The following PGA5 variants were observed in gnomAD, a reference collection of about 807,000 sequenced individuals.
PGA5 encodes pepsinogen A5.
In PGA5, 19 loss-of-function variants were observed where a neutral mutation model predicts 15.9. That is an observed-to-expected ratio of 1.19 (90% confidence interval 0.83 to 1.75). The LOEUF (loss-of-function observed/expected upper bound fraction) is 1.75, where lower values mean the gene tolerates loss of function less well. Among genes scored for constraint, PGA5 ranks in the 40% most tolerant of loss-of-function variants. The pLI, the probability that PGA5 is intolerant of heterozygous loss-of-function variation, is 0.00. For synonymous variants in PGA5, 92 were observed against 95.8 expected (o/e 0.96, Z 0.23); for missense variants, 224 against 246.4 (o/e 0.91, Z 0.61).
chr11:61,249,578 G>A (rs1162524614), intron 6 of PGA5, 91 bp from the exon 7 acceptor site: 1 of 1,607,328 alleles, frequency 6.2e-7, no homozygotes, highest in Non-Finnish European at 8.5e-7. Context: ...TGGATGGGTG[G>A]GGAAGGAATG....
chr11:61,250,536 ACT>A (rs1303747897), intron 8 of PGA5, among the ~76,000 whole-genome samples: 1 of 151,246 alleles, frequency 6.6e-6, no homozygotes, highest in African/African-American at 2.5e-5. Context: ...CCACAAGAAA[ACT>A]CTTTCCCTTC....
intron 6 of PGA5, among the ~76,000 whole-genome samples, chr11:61,248,761 G>C (rs905796541): frequency 6.6e-6 from 1 of 152,086 alleles, no homozygotes; most frequent in African/African-American, 2.4e-5. Flanking sequence ...CTGCAAGGGT[G>C]AGATGGCCAC....
intron 5 of PGA5, among the ~76,000 whole-genome samples, chr11:61,247,126 G>C (rs1287178836): frequency 1.3e-5 from 2 of 151,936 alleles, no homozygotes; most frequent in East Asian, 1.9e-4. Flanking sequence ...CTCTTGAAAG[G>C]GTTCGCCGTC....
In PGA5 at chr11:61,248,419, C is replaced by A. The variant is rs770670264; in HGVS notation, c.657C>A (p.Ala219=). 1.2e-6 allele frequency: 2 copies of A among 1,613,850 alleles called. No homozygotes were observed. Among genetic ancestry groups the A allele is most frequent in the Non-Finnish European group, 8.5e-7 (1 of 1,179,874 alleles). Residue 219 remains alanine, a splice_region_variant and synonymous_variant, in exon 6 of 9, where the codon GCC becomes GCA. Transcript: ENST00000312403. ...SQDLFSVYLS[A]DDKSGSVVIF... is the part of the protein sequence containing the mutation. ...TGTCTTCTCCCCTCACTTTCCACAGCGATGACAAGAGTGGCAGCGTGGTGA... is the reference window on the plus strand; with the variant it reads ...TGTCTTCTCCCCTCACTTTCCACAGAGATGACAAGAGTGGCAGCGTGGTGA...
intron 6 of PGA5, 196 bp from the exon 7 acceptor site, chr11:61,249,473 A>G: frequency 9.1e-7 from 1 of 1,094,148 alleles, no homozygotes; most frequent in East Asian, 2.6e-5. Context: ...CATGCCTGGC[A>G]GAGGGTAGGC....
At chr11:61,249,452 T>C in intron 6 of PGA5, 1 of 911,234 alleles carries the variant, frequency 1.1e-6, no homozygotes, top group Non-Finnish European at 1.6e-6. Flanking sequence ...CTTGTTTCGC[T>C]TGGCGTTTCC....
rs1333156962 is a variant in PGA5 at position 61,248,470 on chromosome 11, C to T, written c.708C>T (p.Tyr236=). The change falls in exon 6 of 9, where the codon TAC becomes TAT. Residue 236 remains tyrosine (Y), a synonymous_variant. Coordinates refer to ENST00000312403, the MANE Select transcript of PGA5 (RefSeq NM_014224.5). The stretch of plus-strand genomic sequence containing the variant: ...TCTTTGGTGGCATTGACTCTTCTTA[C>T]TACACTGGAAGTCTGAACTGGGTGC... ...VVIFGGIDSS[Y]YTGSLNWVPV... 6 of 1,613,646 alleles carry T rather than the reference C, an allele frequency of 3.7e-6. No individual in the cohort carries two copies. Among genetic ancestry groups the T allele is most frequent in the Non-Finnish European group, 5.1e-6 (6 of 1,179,880 alleles).
intron 6 of PGA5, among the ~76,000 whole-genome samples, chr11:61,249,124 G>C (rs2134706339): frequency 6.6e-6 from 1 of 152,028 alleles, no homozygotes; most frequent in South Asian, 2.1e-4. Context: ...GACCAGCCCA[G>C]GCAAACCAGG....
intron 5 of PGA5, among the ~76,000 whole-genome samples, chr11:61,247,782 G>GT (rs1273644052): frequency 6.6e-6 from 1 of 151,992 alleles, no homozygotes; most frequent in Non-Finnish European, 1.5e-5. Context: ...AATATTTCAT[G>GT]TGGGGCCATT....
intron 5 of PGA5, among the ~76,000 whole-genome samples, chr11:61,247,291 T>C (rs967434004): frequency 1.3e-5 from 2 of 151,656 alleles, no homozygotes; most frequent in African/African-American, 4.9e-5. Flanking sequence ...CTTTTTTTTT[T>C]TTTTTGTGAT....
chr11:61,246,813 A>T (rs1472739242), intron 5 of PGA5, among the ~76,000 whole-genome samples: 1 of 151,908 alleles, frequency 6.6e-6, no homozygotes, highest in Non-Finnish European at 1.5e-5. Context: ...TAAAGTGACT[A>T]TACTTAGACC....
intron 5 of PGA5, among the ~76,000 whole-genome samples, chr11:61,246,889 A>G (rs1854072290): frequency 6.6e-6 from 1 of 152,114 alleles, no homozygotes; most frequent in African/African-American, 2.4e-5. Flanking sequence ...ACATTTTTCA[A>G]TCATGAAAGC....
Position 61,251,086 on chromosome 11 carries a change from G to A in PGA5, c.1018-46G>A, listed in dbSNP as rs533864924. 1,304 of 1,611,750 alleles carry A rather than the reference G, an allele frequency of 8.1e-4. 19 individuals carry two copies. The South Asian group carries it at 0.014, about 17-fold the overall frequency. On this transcript the variant is annotated intron_variant, in intron 8 of 8. Transcript: ENST00000312403. ...ATGTTTATCACCCAGCGCCTATCAC[G>A]GCTGAATCGGTGTCCCAGCTCCACT...
intron 6 of PGA5, 172 bp from the exon 7 acceptor site, chr11:61,249,497 T>A (rs1392685691): frequency 1.6e-6 from 2 of 1,276,682 alleles, no homozygotes; most frequent in African/African-American, 1.5e-5. Flanking sequence ...TGGGAAATAT[T>A]TGTAGGGTAA....
Position 61,251,327 on chromosome 11 carries a change from C to G in PGA5, c.*46C>G. 1.9e-6 allele frequency: 3 copies of G among 1,611,748 alleles called. No homozygotes were observed. The highest frequency in any genetic ancestry group is 2.5e-6 in the Non-Finnish European group (3 of 1,179,808). On this transcript the variant is annotated 3_prime_UTR_variant, in exon 9 of 9. Coordinates refer to ENST00000312403, the MANE Select transcript of PGA5 (RefSeq NM_014224.5). ...CTCCCAGGAAGATCTGGCCTCCGTC[C>G]TATGCCCACTTTAGATGTATCTAAT...
chr11:61,248,147 T>C (rs1490438493), intron 5 of PGA5: 1 of 759,164 alleles, frequency 1.3e-6, no homozygotes, highest in East Asian at 2.6e-5. Context: ...GCCTGTGTTC[T>C]TCCAAACGTA....
Position 61,250,154 on chromosome 11 carries a change from C to T in PGA5, c.1017+140C>T, listed in dbSNP as rs905184898. ...ACGAACATCTGCCCTAGACAGCCTC[C>T]AGAGAAAAAGAATATATTAAAAACA... On this transcript the variant is annotated intron_variant, in intron 8 of 8. Transcript: ENST00000312403. 336 of 721,124 alleles carry T rather than the reference C, an allele frequency of 4.7e-4. 2 individuals are homozygous for T. Among genetic ancestry groups the T allele is most frequent in the Non-Finnish European group, 3.7e-4 (155 of 418,508 alleles). The allele number at this position is 721,124 out of a possible 1,614,324, so 44.7% of individuals were successfully genotyped here. A position where few individuals can be genotyped will look rare whatever the true frequency, so the allele number is the denominator to read the frequency against.
chr11:61,246,529 A>T (rs1319828934), intron 5 of PGA5, among the ~76,000 whole-genome samples: 1 of 151,848 alleles, frequency 6.6e-6, no homozygotes, highest in African/African-American at 2.4e-5. Flanking sequence ...TACAGCACTG[A>T]GGCGGGAGGA....
chr11:61,249,508 A>G, intron 6 of PGA5, 161 bp from the exon 7 acceptor site: 1 of 1,351,600 alleles, frequency 7.4e-7, no homozygotes, highest in Non-Finnish European at 1.0e-6. Context: ...TGTAGGGTAA[A>G]TGAATGCGGG....
Sources: gnomAD v4.1 joint callset for allele counts (sites outside exome capture counted in the v4.1 genomes callset) on GRCh38, gnomAD v4.1.1 for gene constraint, MANE v1.5 for transcripts, NCBI Gene and HGNC (gene_info 2026-07-23, HGNC 2026-07-21) for gene names.